Variants in MAP2K6 observed in about 807,000 individuals in gnomAD.
MAP2K6 encodes dual specificity mitogen-activated protein kinase kinase 6.
In MAP2K6, 16 loss-of-function variants were observed where a neutral mutation model predicts 53.7. That is an observed-to-expected ratio of 0.30 (90% CI 0.20 to 0.45). The LOEUF (loss-of-function observed/expected upper bound fraction) is 0.45. MAP2K6 is among the 20% of genes least tolerant of loss of function. The probability of loss-of-function intolerance (pLI) is 1.00; values close to 1 mark genes in which losing one functional copy is unlikely to be tolerated. For synonymous variants in MAP2K6, 132 were observed against 143.1 expected, an observed-to-expected ratio of 0.92 and a Z score of 0.55; for missense variants, 204 against 411.9, an observed-to-expected ratio of 0.50 and a Z score of 4.37.
chr17:69,420,684 G>T (rs971945995), intron 1 of MAP2K6, among the ~76,000 whole-genome samples: 1 of 152,270 alleles, frequency 6.6e-6, no homozygotes, highest in African/African-American at 2.4e-5. Context: ...TTCTCTGTCC[G>T]TAAGTTCTTT....
At chr17:69,480,866 C>G (rs1036233820) in intron 1 of MAP2K6, among the ~76,000 whole-genome samples, 2 of 152,048 alleles carry the variant, frequency 1.3e-5, no homozygotes, top group Non-Finnish European at 2.9e-5. Context: ...GGATTCAGAC[C>G]TGGATGGGAA....
intron 1 of MAP2K6, among the ~76,000 whole-genome samples, chr17:69,503,871 T>C (rs1909307467): frequency 6.6e-6 from 1 of 152,216 alleles, no homozygotes; most frequent in Non-Finnish European, 1.5e-5. Context: ...CATTTTACAA[T>C]TGAGAAAACT....
intron 11 of MAP2K6, among the ~76,000 whole-genome samples, chr17:69,537,774 TA>T (rs1302768870): frequency 6.6e-6 from 1 of 152,214 alleles, no homozygotes; most frequent in Non-Finnish European, 1.5e-5. Context: ...TTTATTCAAC[TA>T]AAACTCACAG....
intron 1 of MAP2K6, among the ~76,000 whole-genome samples, chr17:69,419,522 A>G (rs1281686575): frequency 6.6e-6 from 1 of 152,188 alleles, no homozygotes; most frequent in Non-Finnish European, 1.5e-5. Context: ...GAAAGCTATT[A>G]ATATTCTACT....
At chr17:69,418,876 C>A (rs1408853706) in intron 1 of MAP2K6, among the ~76,000 whole-genome samples, 6 of 149,020 alleles carry the variant, frequency 4.0e-5, no homozygotes, top group African/African-American at 4.9e-5. Flanking sequence ...TTTATTATTG[C>A]AAAAAAAAAA....
intron 4 of MAP2K6, 26 bp from the exon 5 acceptor site, chr17:69,519,287 T>C (rs771478032): frequency 1.2e-6 from 2 of 1,609,804 alleles, no homozygotes; most frequent in South Asian, 2.2e-5. Context: ...GTAGTAACCA[T>C]AAATTTTCCA....
At position 69,505,761 on chromosome 17, in the gene MAP2K6, C is replaced by T. The variant is rs781133042; in HGVS notation, c.17-19C>T. The T allele has an allele frequency of 3.1e-6, 5 of 1,609,348 alleles. No homozygotes were observed. The Admixed American group carries it at 5.0e-5, about 16-fold the overall frequency. On this transcript the variant is annotated intron_variant, in intron 1 of 11. Coordinates refer to ENST00000590474, the MANE Select transcript of MAP2K6 (RefSeq NM_002758.4). ...CTATGATTTAGTCCTTAACTTTTTC[C>T]TTTTGTCTTTCCCCATAGGCAAGAA... is the stretch of plus-strand genomic sequence containing the variant.
chr17:69,497,360 T>C (rs753566388), intron 1 of MAP2K6, among the ~76,000 whole-genome samples: 29 of 152,176 alleles, frequency 1.9e-4, no homozygotes, highest in Admixed American at 3.3e-4. Context: ...GTGTCGCAGT[T>C]GACTGGGGAA....
At chr17:69,420,472 A>C (rs1906042476) in intron 1 of MAP2K6, among the ~76,000 whole-genome samples, 1 of 152,212 alleles carries the variant, frequency 6.6e-6, no homozygotes, top group Non-Finnish European at 1.5e-5. Flanking sequence ...CATATAAGTC[A>C]ATCAGATTTA....
intron 1 of MAP2K6, among the ~76,000 whole-genome samples, chr17:69,447,094 C>G (rs1270484329): frequency 1.3e-5 from 2 of 151,644 alleles, no homozygotes; most frequent in Non-Finnish European, 2.9e-5. Context: ...TCTCCTGCCT[C>G]AGCCTCCCTA....
intron 1 of MAP2K6, among the ~76,000 whole-genome samples, chr17:69,496,478 C>G (rs1473558789): frequency 6.6e-6 from 1 of 151,838 alleles, no homozygotes; most frequent in Non-Finnish European, 1.5e-5. Flanking sequence ...CAGCGATTCT[C>G]CCGCCTCAGC....
chr17:69,426,242 G>A (rs1229144332), intron 1 of MAP2K6, among the ~76,000 whole-genome samples: 2 of 152,190 alleles, frequency 1.3e-5, no homozygotes, highest in African/African-American at 4.8e-5. Context: ...AGGCAGAAAT[G>A]CATTTGACTT....
chr17:69,435,990 T>A (rs1255289632), intron 1 of MAP2K6, among the ~76,000 whole-genome samples: 1 of 149,956 alleles, frequency 6.7e-6, no homozygotes, highest in Non-Finnish European at 1.5e-5. Flanking sequence ...ATTTCAAATA[T>A]GTTCCAATCA....
chr17:69,459,318 A>G (rs770968878), intron 1 of MAP2K6, among the ~76,000 whole-genome samples: 2 of 152,204 alleles, frequency 1.3e-5, no homozygotes, highest in African/African-American at 2.4e-5. Flanking sequence ...GAATGCACCC[A>G]TATTCAGAGT....
Position 69,543,960 on chromosome 17 carries a change from C to T in MAP2K6, c.*2207C>T, listed in dbSNP as rs1221633688. The T allele has an allele frequency of 6.6e-6, 1 of 152,194 alleles. No homozygotes were observed. Among genetic ancestry groups the T allele is most frequent in the Non-Finnish European group, 1.5e-5 (1 of 68,038 alleles). The allele number at this position is 152,194 out of a possible 1,614,324, so 9.4% of individuals were successfully genotyped here. A position where few individuals can be genotyped will look rare whatever the true frequency, so the allele number is the denominator to read the frequency against. On this transcript the variant is annotated 3_prime_UTR_variant, in exon 12 of 12. Transcript: ENST00000590474. ...GTGAACACTGTCGCTGCCAATGTTC[C>T]AGCCACCAGAGATTTGGATTTAACT...
Position 69,541,677 on chromosome 17 carries a change from A to G in MAP2K6, c.929A>G (p.Gln310Arg). 1 of 1,610,888 alleles carries G rather than the reference A, an allele frequency of 6.2e-7. No individual in the cohort carries two copies. Among genetic ancestry groups the G allele is most frequent in the Non-Finnish European group, 8.5e-7 (1 of 1,177,754 alleles). Residue 310 changes from glutamine to arginine, a missense_variant and splice_region_variant, in exon 12 of 12, where the codon CAA becomes CGA. Around this residue, in one of 3 missense-constraint regions of MAP2K6, gnomAD observed 47 missense variants for 62.3 expected, o/e 0.75. Transcript: ENST00000590474. The stretch of plus-strand genomic sequence containing the variant: ...ATGTTTTTTCTTTTTCTTTTCCAGC[A>G]ACATCCATTTTTCACCCTACATGAA... ...KERPTYPELM[Q>R]HPFFTLHESK...
At chr17:69,457,629 A>C (rs1907457588) in intron 1 of MAP2K6, among the ~76,000 whole-genome samples, 2 of 152,110 alleles carry the variant, frequency 1.3e-5, no homozygotes, top group Admixed American at 6.5e-5. Context: ...CACTTGAGCT[A>C]AAAACAAACA....
At position 69,466,847 on chromosome 17, in the gene MAP2K6, A is replaced by C. The variant is rs184777242; in HGVS notation, c.17-38933A>C. On this transcript the variant is annotated intron_variant, in intron 1 of 11. Transcript: ENST00000590474. Reference sequence around the variant, plus strand: ...CTAGGATTCACTTATGTTATCAGTTAAATAGGCTTTTGTTGGGCTGATGGT... The same window carrying C: ...CTAGGATTCACTTATGTTATCAGTTCAATAGGCTTTTGTTGGGCTGATGGT... 2.6e-3 allele frequency among the ~76,000 whole-genome samples: 392 copies of C among 152,278 alleles called. 2 individuals are homozygous for C. Among genetic ancestry groups the C allele is most frequent in the Non-Finnish European group, 4.6e-3 (312 of 68,026 alleles).
intron 1 of MAP2K6, among the ~76,000 whole-genome samples, chr17:69,498,474 C>G (rs1327208074): frequency 1.3e-5 from 2 of 152,144 alleles, no homozygotes; most frequent in African/African-American, 4.8e-5. Context: ...GACAAAAGGG[C>G]ATCAGCAGGG....
Sources: gnomAD v4.1 joint callset for allele counts (sites outside exome capture counted in the v4.1 genomes callset) on GRCh38, gnomAD v4.1.1 for gene constraint, gnomAD v4.1.1 regional missense constraint, MANE v1.5 for transcripts, NCBI Gene and HGNC (gene_info 2026-07-23, HGNC 2026-07-21) for gene names.